The following ASIC2 variants were observed in gnomAD, a reference collection of about 807,000 sequenced individuals.
ASIC2 encodes the protein acid-sensing ion channel 2.
A neutral mutation model predicts 57.3 loss-of-function variants in ASIC2; 25 were observed. That is an observed-to-expected ratio of 0.44 (90% CI 0.32 to 0.61). The LOEUF (loss-of-function observed/expected upper bound fraction) is 0.61. ASIC2 is among the 20% of genes least tolerant of loss of function. The pLI is 0.06. For synonymous variants in ASIC2, 319 were observed against 307.5 expected (o/e 1.04, Z -0.39); for missense variants, 641 against 738.1 (o/e 0.87, Z 1.52).
Position 34,043,692 on chromosome 17 carries a change from A to G in ASIC2, c.555+112286T>C, listed in dbSNP as rs542358990. On this transcript the variant is annotated intron_variant, in intron 1 of 9. Coordinates refer to the ASIC2 transcript ENST00000359872. ...ACCTTCACTAATTTAATGATTTCTC[A>G]CAAGTGTTCTGTAGATGAGCAGGGT... Among the ~76,000 whole-genome samples the G allele has an allele frequency of 5.9e-5, 9 of 152,318 alleles. No homozygotes were observed. In the South Asian group the frequency reaches 1.9e-3, roughly 32 times the overall value.
At position 33,292,733 on chromosome 17, in the gene ASIC2, G is replaced by A; in HGVS notation, c.-618C>T. On this transcript the variant is annotated 5_prime_UTR_variant, in exon 1 of 10. Coordinates refer to ENST00000225823, the MANE Select transcript of ASIC2 (RefSeq NM_183377.2). ...GGGCGGGGTGGGTGTGTACGGGGGT[G>A]AGTGGTCGCCTTGCCGGCTGCCGCC... 4.1e-6 allele frequency: 4 copies of A among 985,908 alleles called. No individual in the cohort carries two copies. The highest frequency in any genetic ancestry group is 4.8e-6 in the Non-Finnish European group (4 of 830,368). 61.1% of individuals were successfully genotyped at this position (985,908 alleles called of 1,614,324 possible). A position where few individuals can be genotyped will look rare whatever the true frequency, so the allele number is the denominator to read the frequency against.
At chr17:33,657,782 C>G (rs1280348025) in intron 1 of ASIC2, among the ~76,000 whole-genome samples, 1 of 137,712 alleles carries the variant, frequency 7.3e-6, no homozygotes, top group Non-Finnish European at 1.6e-5. Context: ...AAAAAAAAGT[C>G]TGCTGCATAA....
chr17:33,768,822 A>AGTCAGGAAGAGGG (rs1287147646), intron 1 of ASIC2, among the ~76,000 whole-genome samples: 4 of 152,116 alleles, frequency 2.6e-5, no homozygotes, highest in African/African-American at 9.7e-5. Flanking sequence ...GTAGAGGGGA[A>AGTCAGGAAGAGGG]ACAGCCTGAC....
At chr17:33,046,067 TGGTGTCATCTG>T (rs1292156572) in intron 3 of ASIC2, among the ~76,000 whole-genome samples, 2 of 152,194 alleles carry the variant, frequency 1.3e-5, no homozygotes, top group African/African-American at 4.8e-5. Flanking sequence ...CCCTGTACTG[TGGTGTCATCTG>T]GGGCTTGACT....
At chr17:34,070,047 A>G (rs1409863484) in intron 1 of ASIC2, 2 of 152,088 alleles carry the variant, frequency 1.3e-5, no homozygotes, top group Non-Finnish European at 2.9e-5. Flanking sequence ...TAACTGAACT[A>G]TAAAAAAAGA....
chr17:33,916,039 A>G (rs1258409624), intron 1 of ASIC2, among the ~76,000 whole-genome samples: 2 of 152,192 alleles, frequency 1.3e-5, no homozygotes, highest in Non-Finnish European at 2.9e-5. Flanking sequence ...AGAAGGGAGA[A>G]TGCAGACTAT....
chr17:33,067,086 G>A (rs1033916505), intron 3 of ASIC2, among the ~76,000 whole-genome samples: 5 of 152,176 alleles, frequency 3.3e-5, no homozygotes, highest in East Asian at 1.9e-4. Context: ...AATCTTTGGC[G>A]AGCATGGCTC....
chr17:33,490,332 C>T (rs1054791947), intron 1 of ASIC2, among the ~76,000 whole-genome samples: 12 of 152,216 alleles, frequency 7.9e-5, no homozygotes, highest in Non-Finnish European at 1.2e-4. Flanking sequence ...CATGATACCC[C>T]GTTAGGTGGC....
chr17:33,172,184 T>C (rs1039473112), intron 1 of ASIC2, among the ~76,000 whole-genome samples: 1 of 152,170 alleles, frequency 6.6e-6, no homozygotes, highest in Non-Finnish European at 1.5e-5. Context: ...TAACTAGTAG[T>C]GGATTGGATG....
At chr17:33,866,649 G>GT (rs1321202009) in intron 1 of ASIC2, among the ~76,000 whole-genome samples, 2 of 151,986 alleles carry the variant, frequency 1.3e-5, no homozygotes, top group Non-Finnish European at 2.9e-5. Context: ...CATCTTTCTG[G>GT]TTGCTGCCTT....
At chr17:33,413,333 G>C (rs988625729) in intron 1 of ASIC2, among the ~76,000 whole-genome samples, 1 of 152,156 alleles carries the variant, frequency 6.6e-6, no homozygotes, top group African/African-American at 2.4e-5. Flanking sequence ...CTTTTTCCTT[G>C]ATTAAAGCCA....
intron 1 of ASIC2, among the ~76,000 whole-genome samples, chr17:33,776,187 T>C (rs1911271865): frequency 6.7e-6 from 1 of 150,242 alleles, no homozygotes; most frequent in Admixed American, 6.6e-5. Context: ...CCTAAATTCA[T>C]ATGTTGAAAT....
intron 1 of ASIC2, among the ~76,000 whole-genome samples, chr17:33,519,063 G>A (rs893173529): frequency 9.9e-5 from 15 of 152,070 alleles, no homozygotes; most frequent in African/African-American, 3.6e-4. Context: ...CTCGTGATCC[G>A]CCCGCCTCGG....
At position 33,330,944 on chromosome 17, in the gene ASIC2, A is replaced by G. The variant is rs534924345; in HGVS notation, c.556-218877T>C. Among the ~76,000 whole-genome samples, 42 of 152,242 alleles carry G rather than the reference A, an allele frequency of 2.8e-4. 1 individual carries two copies. Among genetic ancestry groups the G allele is most frequent in the African/African-American group, 8.9e-4 (37 of 41,546 alleles). On this transcript the variant is annotated intron_variant, in intron 1 of 9. Coordinates refer to the ASIC2 transcript ENST00000359872. Reference sequence around the variant, plus strand: ...TTGTGCTCGGTGTGTTTAATGGACTATCTTAGGTAATCCCTTAGACCAGGG... The same window carrying G: ...TTGTGCTCGGTGTGTTTAATGGACTGTCTTAGGTAATCCCTTAGACCAGGG...
At chr17:33,329,746 T>A (rs1907228634) in intron 1 of ASIC2, among the ~76,000 whole-genome samples, 1 of 152,194 alleles carries the variant, frequency 6.6e-6, no homozygotes, top group Non-Finnish European at 1.5e-5. Context: ...TCCAGTTTTT[T>A]TTTTCCTTCG....
At chr17:33,137,672 C>T (rs907474680) in intron 1 of ASIC2, among the ~76,000 whole-genome samples, 1 of 152,180 alleles carries the variant, frequency 6.6e-6, no homozygotes, top group South Asian at 2.1e-4. Context: ...TCAGTGCTTA[C>T]ACCCAGAGTG....
chr17:34,052,260 T>C (rs906455350), intron 1 of ASIC2, among the ~76,000 whole-genome samples: 5 of 152,244 alleles, frequency 3.3e-5, no homozygotes, highest in African/African-American at 9.6e-5. Flanking sequence ...CAAGAAACAT[T>C]TGAAATCGTA....
chr17:33,783,350 C>T (rs1911514053), intron 1 of ASIC2, among the ~76,000 whole-genome samples: 1 of 152,202 alleles, frequency 6.6e-6, no homozygotes. Context: ...ATAACCTCTC[C>T]ATGCCTCAGT....
At chr17:33,937,109 GC>G (rs576366303) in intron 1 of ASIC2, among the ~76,000 whole-genome samples, 19 of 152,288 alleles carry the variant, frequency 1.2e-4, no homozygotes, top group Admixed American at 1.2e-3. Context: ...GCTGGGAAAT[GC>G]CTCTTTTTGG....
Sources: allele counts gnomAD v4.1 joint callset (sites outside exome capture counted in the v4.1 genomes callset), GRCh38; gene constraint gnomAD v4.1.1; transcripts MANE v1.5; gene names NCBI Gene and HGNC (gene_info 2026-07-23, HGNC 2026-07-21).